Variants in ATE1 observed in about 807,000 individuals in gnomAD.
The protein encoded by ATE1 is arginyltransferase 1.
A neutral mutation model predicts 70.5 loss-of-function variants in ATE1; 36 were observed. That is an observed-to-expected ratio of 0.51 (90% CI 0.39 to 0.67). The LOEUF is 0.67. ATE1 is among the 30% of genes least tolerant of loss of function. The pLI is 0.00. For missense variants in ATE1, 593 were observed against 629.5 expected, an observed-to-expected ratio of 0.94 and a Z score of 0.62; for synonymous variants, 232 against 219.3, an observed-to-expected ratio of 1.06 and a Z score of -0.51.
intron 10 of ATE1, among the ~76,000 whole-genome samples, chr10:121,822,486 T>C (rs182496982): frequency 6.6e-6 from 1 of 152,286 alleles, no homozygotes; most frequent in Admixed American, 6.5e-5. Context: ...TGAAAATTCA[T>C]CAAGCTGTAT....
At chr10:121,859,284 T>G in intron 8 of ATE1, among the ~76,000 whole-genome samples, 4 of 147,958 alleles carry the variant, frequency 2.7e-5, no homozygotes, top group Admixed American at 6.8e-5. Context: ...TGAGACGGAG[T>G]CTCAGTCTGT....
intron 8 of ATE1, among the ~76,000 whole-genome samples, chr10:121,850,494 T>C (rs181711781): frequency 4.9e-4 from 74 of 152,340 alleles, no homozygotes; most frequent in Middle Eastern, 3.4e-3. Flanking sequence ...ATATGTGGAA[T>C]TGTATTTCCT....
chr10:121,889,779 C>T (rs1590639410), intron 7 of ATE1, among the ~76,000 whole-genome samples: 1 of 151,754 alleles, frequency 6.6e-6, no homozygotes, highest in Admixed American at 6.6e-5. Flanking sequence ...TGCTACTGTA[C>T]TCCAGCCTGG....
intron 8 of ATE1, among the ~76,000 whole-genome samples, chr10:121,849,275 C>CT (rs1374091121): frequency 6.6e-6 from 1 of 152,022 alleles, no homozygotes; most frequent in Non-Finnish European, 1.5e-5. Context: ...ACAATGCATT[C>CT]TGTTAACCCT....
At chr10:121,925,065 C>T (rs1952032942) in intron 1 of ATE1, among the ~76,000 whole-genome samples, 1 of 152,180 alleles carries the variant, frequency 6.6e-6, no homozygotes, top group South Asian at 2.1e-4. Flanking sequence ...ATTTACAGTA[C>T]AGTCTTGAGC....
intron 11 of ATE1, among the ~76,000 whole-genome samples, chr10:121,776,351 A>G (rs202201644): frequency 7.1e-6 from 1 of 140,406 alleles, no homozygotes; most frequent in African/African-American, 2.6e-5. Context: ...CCTATCTCTA[A>G]TCAGTCATTG....
chr10:121,860,615 T>C (rs1490975791), intron 8 of ATE1, among the ~76,000 whole-genome samples: 1 of 152,238 alleles, frequency 6.6e-6, no homozygotes, highest in Non-Finnish European at 1.5e-5. Flanking sequence ...GTACAGTAAA[T>C]GTTTTTAATA....
chr10:121,919,313 C>G (rs1365682323), intron 3 of ATE1, among the ~76,000 whole-genome samples: 1 of 152,116 alleles, frequency 6.6e-6, no homozygotes, highest in African/African-American at 2.4e-5. Context: ...TACACCAGCA[C>G]TTTGGGGGGC....
At chr10:121,890,768 C>T (rs1046502271) in intron 7 of ATE1, among the ~76,000 whole-genome samples, 3 of 152,086 alleles carry the variant, frequency 2.0e-5, no homozygotes, top group African/African-American at 7.2e-5. Flanking sequence ...CATAGAATTA[C>T]TGGTATCCTG....
Position 121,829,718 on chromosome 10 carries a change from G to GA in ATE1, c.1257+6999dup, listed in dbSNP as rs918435160. On this transcript the variant is annotated intron_variant, in intron 10 of 11. Coordinates refer to ENST00000224652, the MANE Select transcript of ATE1 (RefSeq NM_001001976.3). Reference sequence around the variant, plus strand: ...AGCGAGACTCTGTCTCAAAAAAAAAGAAAAAAAAAAGAAAGAAAAAAATCG... The same window carrying GA: ...AGCGAGACTCTGTCTCAAAAAAAAAGAAAAAAAAAAAGAAAGAAAAAAATCG... 2.4e-4 allele frequency among the ~76,000 whole-genome samples: 33 copies of GA among 138,538 alleles called. No individual in the cohort carries two copies. In the East Asian group the frequency reaches 3.0e-3, roughly 12 times the overall value. 90.9% of individuals were successfully genotyped at this position (138,538 alleles called of 152,430 possible).
At chr10:121,844,903 A>G (rs1948758435) in intron 8 of ATE1, among the ~76,000 whole-genome samples, 1 of 151,686 alleles carries the variant, frequency 6.6e-6, no homozygotes, top group African/African-American at 2.4e-5. Flanking sequence ...ACAGATAATG[A>G]GTTTAAAAAA....
At chr10:121,769,233 T>C (rs1945402100) in intron 11 of ATE1, among the ~76,000 whole-genome samples, 1 of 152,142 alleles carries the variant, frequency 6.6e-6, no homozygotes, top group Non-Finnish European at 1.5e-5. Context: ...CAAACCATAA[T>C]AGCCCCACAC....
upstream of ATE1, chr10:121,928,272 AGCCT>A (rs1000366794): frequency 2.7e-6 from 4 of 1,463,620 alleles, no homozygotes; most frequent in Non-Finnish European, 3.6e-6. Flanking sequence ...TCGGGGTGCG[AGCCT>A]GCCCTTTCCC....
intron 11 of ATE1, among the ~76,000 whole-genome samples, chr10:121,745,445 A>AC (rs1564802755): frequency 5.3e-5 from 8 of 152,184 alleles, no homozygotes; most frequent in Non-Finnish European, 1.2e-4. Context: ...GGCGGGGTGC[A>AC]GTGGCTCACG....
At chr10:121,760,339 C>G (rs1322840146) in intron 11 of ATE1, among the ~76,000 whole-genome samples, 2 of 152,168 alleles carry the variant, frequency 1.3e-5, no homozygotes, top group Non-Finnish European at 2.9e-5. Flanking sequence ...AAATAGAAAA[C>G]CTTCTGGAAA....
chr10:121,876,853 C>G (rs1326549589), intron 7 of ATE1, among the ~76,000 whole-genome samples: 1 of 151,838 alleles, frequency 6.6e-6, no homozygotes, highest in Admixed American at 6.6e-5. Flanking sequence ...GTAGTCCCAG[C>G]TACTCGGGAG....
intron 11 of ATE1, among the ~76,000 whole-genome samples, chr10:121,745,438 G>T (rs137985104): frequency 7.9e-5 from 12 of 152,216 alleles, no homozygotes; most frequent in East Asian, 1.9e-4. Context: ...AACCACAGGC[G>T]GGGTGCAGTG....
chr10:121,917,155 C>T (rs1396589955), intron 3 of ATE1, among the ~76,000 whole-genome samples: 1 of 151,796 alleles, frequency 6.6e-6, no homozygotes, highest in East Asian at 1.9e-4. Context: ...AACAGCAAAA[C>T]TCCATCTCAA....
chr10:121,792,108 G>A (rs1404943583), intron 10 of ATE1, among the ~76,000 whole-genome samples: 2 of 102,060 alleles, frequency 2.0e-5, no homozygotes, highest in Non-Finnish European at 4.1e-5. Context: ...GTTCAAGGAG[G>A]ATATGGGGTT....
Sources: gnomAD v4.1 joint callset for allele counts (sites outside exome capture counted in the v4.1 genomes callset) on GRCh38, gnomAD v4.1.1 for gene constraint, MANE v1.5 for transcripts, NCBI Gene and HGNC (gene_info 2026-07-23, HGNC 2026-07-21) for gene names.